DNAH17: variants seen among roughly 807,000 people sequenced by gnomAD.
The protein encoded by DNAH17 is dynein axonemal heavy chain 17.
In DNAH17, 376 loss-of-function variants were observed where a neutral mutation model predicts 485.6. The ratio of observed to expected loss-of-function variants is 0.77; its 90% CI spans 0.71 to 0.84. The LOEUF is 0.84. Among genes scored for constraint, DNAH17 ranks in the 40% least tolerant of loss-of-function variants. The pLI is 0.00. For missense variants in DNAH17, 6,370 were observed against 5,839.3 expected (o/e 1.09, Z -2.96); for synonymous variants, 3,031 against 2,405.9 (o/e 1.26, Z -7.60).
intron 13 of DNAH17, 35 bp from the exon 14 acceptor site, chr17:78,558,289 C>T: frequency 1.2e-6 from 2 of 1,607,322 alleles, no homozygotes; most frequent in Non-Finnish European, 1.7e-6. Flanking sequence ...AACATGTCAG[C>T]AGGTCAGGTC....
intron 27 of DNAH17, among the ~76,000 whole-genome samples, chr17:78,509,835 T>C (rs1017341181): frequency 2.6e-5 from 4 of 152,222 alleles, no homozygotes; most frequent in African/African-American, 7.2e-5. Context: ...TTCCAAACTA[T>C]TGCATGTACG....
At chr17:78,536,243 T>G (rs567328200) in intron 19 of DNAH17, among the ~76,000 whole-genome samples, 5 of 151,824 alleles carry the variant, frequency 3.3e-5, no homozygotes, top group South Asian at 2.1e-4. Flanking sequence ...ATTGAGACCA[T>G]CCTGGCCAAC....
At chr17:78,482,327 T>G (rs1568126376) in intron 48 of DNAH17, among the ~76,000 whole-genome samples, 1 of 152,160 alleles carries the variant, frequency 6.6e-6, no homozygotes, top group African/African-American at 2.4e-5. Flanking sequence ...CGCCCAGCAC[T>G]TTTGTTTTTT....
At chr17:78,570,167 G>T in intron 7 of DNAH17, 80 bp downstream of exon 7, 1 of 1,444,818 alleles carries the variant, frequency 6.9e-7, no homozygotes, top group African/African-American at 1.4e-5. Context: ...GGGGAACATG[G>T]GCAGCAGGAA....
rs148671638 is a variant in DNAH17 at position 78,529,562 on chromosome 17, G to A, written c.3417C>T (p.Thr1139=). The A allele has an allele frequency of 4.5e-5, 72 of 1,613,922 alleles. No individual in the cohort carries two copies. The highest frequency in any genetic ancestry group is 1.7e-4 in the Middle Eastern group (1 of 6,060). ...LMKVKERQAA[T]DNMFEPLKQT... ...GCTTCAGGGGCTCAAACATGTTGTC[G>A]GTGGCTGCTTGCCTCTCCTTGACTT... Residue 1139 remains threonine, a synonymous_variant, in exon 22 of 81, where the codon ACC becomes ACT. Coordinates refer to ENST00000389840, the MANE Select transcript of DNAH17 (RefSeq NM_173628.4).
intron 19 of DNAH17, among the ~76,000 whole-genome samples, chr17:78,535,555 T>A (rs544589764): frequency 6.6e-6 from 1 of 152,036 alleles, no homozygotes; most frequent in African/African-American, 2.4e-5. Flanking sequence ...CACACGCACA[T>A]CCCTCCCTCC....
intron 80 of DNAH17, 26 bp downstream of exon 80, chr17:78,425,320 T>C: frequency 6.2e-7 from 1 of 1,605,270 alleles, no homozygotes; most frequent in Non-Finnish European, 8.5e-7. Context: ...TGGAAGCTTC[T>C]GCAGACAGAC....
chr17:78,571,552 G>A, intron 4 of DNAH17, 38 bp downstream of exon 4: 1 of 1,610,684 alleles, frequency 6.2e-7, no homozygotes. Flanking sequence ...GCCCAGCTGG[G>A]ACGAGGCTGC....
intron 21 of DNAH17, 46 bp from the exon 22 acceptor site, chr17:78,529,740 C>G: frequency 6.3e-7 from 1 of 1,589,210 alleles, no homozygotes; most frequent in Non-Finnish European, 8.6e-7. Context: ...CCCCCTTAGG[C>G]CCACCCTTGA....
Position 78,501,789 on chromosome 17 carries a change from T to C in DNAH17, c.5275A>G (p.Ile1759Val). The change falls in exon 34 of 81, where the codon ATC becomes GTC. Residue 1759 changes from isoleucine to valine, a missense_variant. By Grantham distance (29) the Ile-to-Val change is conservative. Coordinates refer to ENST00000389840, the MANE Select transcript of DNAH17 (RefSeq NM_173628.4). The part of the protein sequence containing the change: ...DRMKIMTICT[I>V]DVHARDVVAK... ...ACCACGTCCCGTGCGTGCACATCGA[T>C]GGTGCAGATGGTCATGATCTTCATC... The C allele has an allele frequency of 1.2e-6, 2 of 1,613,910 alleles. No homozygotes were observed. Among genetic ancestry groups the C allele is most frequent in the Non-Finnish European group, 1.7e-6 (2 of 1,179,886 alleles).
chr17:78,459,228 G>A lies in DNAH17; in HGVS notation c.9654-20C>T. The A allele has an allele frequency of 6.2e-7, 1 of 1,611,166 alleles. No individual in the cohort carries two copies. The stretch of plus-strand genomic sequence containing the variant: ...TAGGGCCTAGCGAGGGAACCAGAGG[G>A]CCGGAGTCGTCACCCTGTCCTGCTC... On this transcript the variant is annotated intron_variant, in intron 60 of 80. Coordinates refer to ENST00000389840, the MANE Select transcript of DNAH17 (RefSeq NM_173628.4).
At chr17:78,572,950 C>CG (rs2092381553) in intron 2 of DNAH17, 56 bp from the exon 3 acceptor site, 4 of 1,518,206 alleles carry the variant, frequency 2.6e-6, no homozygotes, top group Non-Finnish European at 3.6e-6. Context: ...GCTCGGCAAC[C>CG]GCACAGAGCC....
intron 48 of DNAH17, among the ~76,000 whole-genome samples, chr17:78,484,097 A>C (rs1168076216): frequency 2.0e-4 from 3 of 15,264 alleles, no homozygotes; most frequent in African/African-American, 1.0e-3. Context: ...TTTCTCCTCA[A>C]AAAAAAAAAA....
intron 4 of DNAH17, 39 bp from the exon 5 acceptor site, chr17:78,571,417 G>C (rs2092355905): frequency 6.4e-7 from 1 of 1,566,072 alleles, no homozygotes; most frequent in African/African-American, 1.4e-5. Flanking sequence ...CATTGACCTG[G>C]AAGACCCTAA....
chr17:78,568,178 T>A (rs372840222), intron 9 of DNAH17, among the ~76,000 whole-genome samples: 45 of 152,280 alleles, frequency 3.0e-4, no homozygotes, highest in African/African-American at 1.1e-3. Context: ...CTACCCAGAA[T>A]CTTCCTTCTG....
chr17:78,558,126 G>A lies in DNAH17; in HGVS notation c.2160C>T (p.Ile720=), dbSNP rs761314040. ...FRKFVGNLEL[I]VGWYNEIKTI... ...AACTCACCTCATTATACCAGCCAACGATGAGCTCCAGGTTGCCCACAAACT... is the reference window on the plus strand; with the variant it reads ...AACTCACCTCATTATACCAGCCAACAATGAGCTCCAGGTTGCCCACAAACT... Residue 720 remains isoleucine (I), a synonymous_variant, in exon 14 of 81, where the codon ATC becomes ATT. Coordinates refer to ENST00000389840, the MANE Select transcript of DNAH17 (RefSeq NM_173628.4). The A allele has an allele frequency of 6.1e-5, 99 of 1,613,298 alleles. No individual in the cohort carries two copies. Among genetic ancestry groups the A allele is most frequent in the Non-Finnish European group, 8.1e-5 (95 of 1,179,658 alleles).
At chr17:78,431,407 G>A (rs541295565) in intron 75 of DNAH17, among the ~76,000 whole-genome samples, 1 of 151,756 alleles carries the variant, frequency 6.6e-6, no homozygotes, top group African/African-American at 2.4e-5. Flanking sequence ...CGCAGGGGGT[G>A]GGGGTGAGTG....
rs1406563498 is a variant in DNAH17 at position 78,551,540 on chromosome 17, T to C, written c.2386A>G (p.Met796Val). ...GTGCTCTGCCCCTTGCTTACCTTCA[T>C]AGCCTGGGAAATTCCTTCTATATTT... ...KQNIEGISQA[M>V]KDWSANPLFE... The change falls in exon 16 of 81, where the codon ATG (methionine) becomes GTG (valine). Residue 796 changes from methionine (M) to valine (V), a missense_variant. Met to Val is a conservative substitution (Grantham distance 21, BLOSUM62 1). Coordinates refer to ENST00000389840, the MANE Select transcript of DNAH17 (RefSeq NM_173628.4). The C allele has an allele frequency of 5.6e-6, 9 of 1,613,984 alleles. No individual in the cohort carries two copies. The highest frequency in any genetic ancestry group is 7.6e-6 in the Non-Finnish European group (9 of 1,179,812).
In DNAH17 at chr17:78,460,169, A is replaced by T; in HGVS notation, c.9428T>A (p.Leu3143Gln). The change falls in exon 59 of 81, where the codon CTG (leucine) becomes CAG (glutamine). Residue 3143 changes from leucine to glutamine, a missense_variant. Transcript: ENST00000389840. ...CTTTCCCTCCCCCTTTACCTTATTC[A>T]GAGTGTCCAGAGCCTCCTGGGCTGC... ...LLAAQEALDT[L>Q]NKNNLTELKS... 1 of 1,605,786 alleles carries T rather than the reference A, an allele frequency of 6.2e-7. No individual in the cohort carries two copies. The highest frequency in any genetic ancestry group is 8.5e-7 in the Non-Finnish European group (1 of 1,175,652).
Sources: gnomAD v4.1 joint callset for allele counts (sites outside exome capture counted in the v4.1 genomes callset) on GRCh38, gnomAD v4.1.1 for gene constraint, MANE v1.5 for transcripts, NCBI Gene and HGNC (gene_info 2026-07-23, HGNC 2026-07-21) for gene names.